DAB2IP: variants seen among roughly 807,000 people sequenced by gnomAD.
DAB2IP encodes the protein disabled homolog 2-interacting protein.
Under a neutral mutation model 107.2 loss-of-function variants are expected in DAB2IP, and 28 were observed. The ratio of observed to expected loss-of-function variants is 0.26; its 90% CI spans 0.19 to 0.36. DAB2IP has a LOEUF of 0.36. Among genes scored for constraint, DAB2IP ranks in the 10% least tolerant of loss-of-function variants. The pLI, the probability that DAB2IP is intolerant of heterozygous loss-of-function variation, is 1.00. For missense variants in DAB2IP, 1,400 were observed against 1,644.7 expected (o/e 0.85, Z 2.57); for synonymous variants, 755 against 706.4 (o/e 1.07, Z -1.09).
rs1401447480 is a variant in DAB2IP at position 121,699,546 on chromosome 9, G to T, written c.362+88G>T. The T allele has an allele frequency of 8.9e-7, 1 of 1,120,378 alleles. No homozygotes were observed. The highest frequency in any genetic ancestry group is 1.1e-6 in the Non-Finnish European group (1 of 909,928). The allele number at this position is 1,120,378 out of a possible 1,614,324, so 69.4% of individuals were successfully genotyped here. Reference sequence around the variant, plus strand: ...CGGGGACAAAGCGCGAGCCCGGCCCGGGGCGAGCCACACGGCGGTGGGGGG... The same window carrying T: ...CGGGGACAAAGCGCGAGCCCGGCCCTGGGCGAGCCACACGGCGGTGGGGGG... On this transcript the variant is annotated intron_variant, in intron 3 of 15. Transcript: ENST00000408936. The surrounding 1 kb of genome is among the most constrained non-coding windows in gnomAD (Gnocchi z 6.2).
intron 3 of DAB2IP, among the ~76,000 whole-genome samples, chr9:121,714,828 C>T (rs1830508686): frequency 6.6e-6 from 1 of 152,198 alleles, no homozygotes; most frequent in Non-Finnish European, 1.5e-5. Context: ...GGGAGGGCCT[C>T]CCCGATGACA....
chr9:121,768,902 A>C (rs1420407182), intron 10 of DAB2IP, among the ~76,000 whole-genome samples: 4 of 152,248 alleles, frequency 2.6e-5, no homozygotes, highest in African/African-American at 9.6e-5. Context: ...GACAAGCGCC[A>C]CTGTGCTGCC....
intron 3 of DAB2IP, among the ~76,000 whole-genome samples, chr9:121,710,993 T>A (rs1830312421): frequency 6.6e-6 from 1 of 152,118 alleles, no homozygotes; most frequent in Non-Finnish European, 1.5e-5. Flanking sequence ...TGCCCTAGGA[T>A]CATAAAGTCC....
rs76810093 is a variant in DAB2IP, at chr9:121,641,765, A to AGCCT, written c.41-36884_41-36881dup. 2.4e-3 allele frequency among the ~76,000 whole-genome samples: 365 copies of AGCCT among 150,882 alleles called. 4 individuals carry two copies. The highest frequency in any genetic ancestry group is 7.6e-3 in the African/African-American group (312 of 41,160). On this transcript the variant is annotated intron_variant, in intron 1 of 16. Coordinates refer to the DAB2IP transcript ENST00000259371. ...GTCACTTGTTCCTGGTCCCACAGCC[A>AGCCT]GCCTGCCTGCCTGCCTGCCTGCCTG...
rs1479525539 is a variant in DAB2IP at position 121,599,675 on chromosome 9, C to G, written c.40+32447C>G. ...TTCCTGCAGCCGCCCGGCGACACCG[C>G]GACTCCGCCGCTTCGCAACCCTGGC... On this transcript the variant is annotated intron_variant, in intron 1 of 16. Coordinates refer to the DAB2IP transcript ENST00000259371. This position sits in a 1 kb window ranked among gnomAD's most constrained non-coding sequence, Gnocchi z 6.9. Among the ~76,000 whole-genome samples, 3 of 152,134 alleles carry G rather than the reference C, an allele frequency of 2.0e-5. No homozygotes were observed. Among genetic ancestry groups the G allele is most frequent in the Non-Finnish European group, 4.4e-5 (3 of 68,016 alleles).
chr9:121,703,114 GACTAGGGAAGGAGATACAGT>G (rs1403357104), intron 3 of DAB2IP, among the ~76,000 whole-genome samples: 7 of 152,192 alleles, frequency 4.6e-5, no homozygotes, highest in Non-Finnish European at 1.0e-4. Context: ...AGTGATAAGG[GACTAGGGAAGGAGATACAGT>G]ACTTGGATGT....
intron 1 of DAB2IP, among the ~76,000 whole-genome samples, chr9:121,579,549 C>A (rs1443976148): frequency 6.6e-6 from 1 of 152,150 alleles, no homozygotes; most frequent in African/African-American, 2.4e-5. Context: ...CAGCCCCTAC[C>A]TGGACCTTCT....
upstream of DAB2IP, among the ~76,000 whole-genome samples, chr9:121,648,190 C>T (rs1018701444): frequency 6.6e-6 from 1 of 152,146 alleles, no homozygotes; most frequent in Non-Finnish European, 1.5e-5. Flanking sequence ...GCACCAAAAT[C>T]TCACAAATCA....
chr9:121,699,547 G>T lies in DAB2IP; in HGVS notation c.362+89G>T. On this transcript the variant is annotated intron_variant, in intron 3 of 15. Coordinates refer to ENST00000408936, the Ensembl canonical transcript of DAB2IP. The surrounding 1 kb of genome is among the most constrained non-coding windows in gnomAD (Gnocchi z 6.2). ...GGGGACAAAGCGCGAGCCCGGCCCG[G>T]GGCGAGCCACACGGCGGTGGGGGGA... is the stretch of plus-strand genomic sequence containing the variant. The T allele has an allele frequency of 8.9e-7, 1 of 1,121,990 alleles. No individual in the cohort carries two copies. Among genetic ancestry groups the T allele is most frequent in the Non-Finnish European group, 1.1e-6 (1 of 911,466 alleles). The allele number at this position is 1,121,990 out of a possible 1,614,324, so 69.5% of individuals were successfully genotyped here.
intron 1 of DAB2IP, among the ~76,000 whole-genome samples, chr9:121,606,280 C>T (rs1444105308): frequency 1.3e-5 from 2 of 152,168 alleles, no homozygotes; most frequent in Admixed American, 1.3e-4. Context: ...AGGAGAATTG[C>T]TTGAACCCAA....
chr9:121,708,638 G>A (rs138122545), intron 3 of DAB2IP, among the ~76,000 whole-genome samples: 268 of 152,328 alleles, frequency 1.8e-3, no homozygotes, highest in East Asian at 4.0e-3. Context: ...TGCCACCAAG[G>A]CCTGCTCTTC....
At chr9:121,770,005 C>G (rs1334904677) in intron 10 of DAB2IP, among the ~76,000 whole-genome samples, 1 of 152,280 alleles carries the variant, frequency 6.6e-6, no homozygotes, top group East Asian at 1.9e-4. Flanking sequence ...CTAGAATCCT[C>G]TGCCCCTTAA....
chr9:121,767,849 G>A (rs1834395845), intron 9 of DAB2IP, among the ~76,000 whole-genome samples: 1 of 152,170 alleles, frequency 6.6e-6, no homozygotes, highest in Admixed American at 6.5e-5. Flanking sequence ...CAAGGTTAGG[G>A]GTGATTAGAA....
intron 1 of DAB2IP, among the ~76,000 whole-genome samples, chr9:121,658,011 G>A (rs79399915): frequency 0.028 from 4,319 of 152,188 alleles, 200 homozygotes; most frequent in African/African-American, 0.099. Flanking sequence ...ATCCTGTTTC[G>A]GTGTTGGTGT....
At chr9:121,719,888 C>T (rs556206573) in intron 3 of DAB2IP, among the ~76,000 whole-genome samples, 1 of 152,338 alleles carries the variant, frequency 6.6e-6, no homozygotes, top group East Asian at 1.9e-4. Flanking sequence ...GGCAGCTCCT[C>T]TCAGGGCAGG....
At chr9:121,719,711 A>G (rs949211528) in intron 3 of DAB2IP, among the ~76,000 whole-genome samples, 1 of 152,212 alleles carries the variant, frequency 6.6e-6, no homozygotes, top group African/African-American at 2.4e-5. Flanking sequence ...TAGTGCTTAC[A>G]GTGACCTGAG....
At chr9:121,737,584 C>CCTGGG (rs1338405880) in intron 3 of DAB2IP, 1 of 985,300 alleles carries the variant, frequency 1.0e-6, no homozygotes, top group Non-Finnish European at 1.2e-6. Context: ...TCGGCAAGAT[C>CCTGGG]CTGGGCCGGG....
chr9:121,772,875 G>A lies in DAB2IP; in HGVS notation c.2347G>A (p.Ala783Thr), dbSNP rs779150509. 2 of 1,582,898 alleles carry A rather than the reference G, an allele frequency of 1.3e-6. No individual in the cohort carries two copies. Reference sequence around the variant, plus strand: ...GCAGGCCGCTGCAGCTCAGCTGGTGGCCGGGTGGCCGGCCCGGGCAACCCC... The same window carrying A: ...GCAGGCCGCTGCAGCTCAGCTGGTGACCGGGTGGCCGGCCCGGGCAACCCC... The change falls in exon 12 of 16, where the codon GCC becomes ACC. Residue 783 changes from alanine to threonine, a missense_variant. Ala to Thr is a moderately conservative substitution (Grantham distance 58). This residue lies in a region of DAB2IP where 600 missense variants were observed against 659.1 expected (regional missense o/e 0.91). Coordinates refer to ENST00000408936, the Ensembl canonical transcript of DAB2IP. This position sits in a 1 kb window ranked among gnomAD's most constrained non-coding sequence, Gnocchi z 4.7.
Position 121,734,963 on chromosome 9 carries a change from G to T in DAB2IP, c.363-22050G>T, listed in dbSNP as rs1029332828. Among the ~76,000 whole-genome samples, 6 of 152,232 alleles carry T rather than the reference G, an allele frequency of 3.9e-5. No homozygotes were observed. In the East Asian group the frequency reaches 9.6e-4, roughly 24 times the overall value. Reference sequence around the variant, plus strand: ...TGGAGGGAGGTGGTGCTCAGAGGATGCACTCTGCTTTCGCCTTCCTTGTTG... The same window carrying T: ...TGGAGGGAGGTGGTGCTCAGAGGATTCACTCTGCTTTCGCCTTCCTTGTTG... On this transcript the variant is annotated intron_variant, in intron 3 of 15. Transcript: ENST00000408936.
Sources: allele counts gnomAD v4.1 joint callset (sites outside exome capture counted in the v4.1 genomes callset), GRCh38; gene constraint gnomAD v4.1.1; regional missense constraint gnomAD v4.1.1; non-coding constraint Gnocchi (gnomAD v3.1); transcripts MANE v1.5; gene names NCBI Gene and HGNC (gene_info 2026-07-23, HGNC 2026-07-21).